XYLT1: variants seen among roughly 807,000 people sequenced by gnomAD.
The protein encoded by XYLT1 is beta-D-xylosyltransferase 1.
XYLT1 carries 36 observed loss-of-function variants against 91.3 expected under a neutral mutation model. The observed-to-expected ratio is 0.39, with a 90% confidence interval of 0.30 to 0.52. XYLT1 has a LOEUF of 0.52. Among genes scored for constraint, XYLT1 ranks in the 20% least tolerant of loss-of-function variants. The pLI, the probability that XYLT1 is intolerant of heterozygous loss-of-function variation, is 0.68. For synonymous variants in XYLT1, 588 were observed against 532.0 expected, an observed-to-expected ratio of 1.11 and a Z score of -1.45; for missense variants, 1,242 against 1,284.5, an observed-to-expected ratio of 0.97 and a Z score of 0.51.
At chr16:17,358,143 T>A (rs2035329626) in intron 1 of XYLT1, 93 bp from the exon 2 acceptor site, 2 of 1,335,314 alleles carry the variant, frequency 1.5e-6, no homozygotes, top group Non-Finnish European at 2.1e-6. Context: ...TTTTTTTTTT[T>A]TTAAGAGACA....
chr16:17,463,361 ACAACT>A (rs150574161), intron 1 of XYLT1, among the ~76,000 whole-genome samples: 5,559 of 152,300 alleles, frequency 0.037, 192 homozygotes, highest in African/African-American at 0.091. Flanking sequence ...AAGAACTCAA[ACAACT>A]CAACAGCAAA....
intron 5 of XYLT1, among the ~76,000 whole-genome samples, chr16:17,181,613 T>A (rs1365319761): frequency 6.6e-6 from 1 of 152,178 alleles, no homozygotes; most frequent in African/African-American, 2.4e-5. Flanking sequence ...CAGGTTCTCC[T>A]CTGCCCATCT....
At chr16:17,334,379 A>T (rs967592265) in intron 2 of XYLT1, among the ~76,000 whole-genome samples, 1 of 152,126 alleles carries the variant, frequency 6.6e-6, no homozygotes, top group African/African-American at 2.4e-5. Flanking sequence ...CCTTCTCTAC[A>T]GCCAGGGCCT....
At chr16:17,221,300 G>A (rs576175344) in intron 3 of XYLT1, among the ~76,000 whole-genome samples, 8 of 152,240 alleles carry the variant, frequency 5.3e-5, no homozygotes, top group African/African-American at 1.4e-4. Context: ...GAAATATATT[G>A]ACAAAAGCCA....
At chr16:17,365,080 T>G (rs1487922027) in intron 1 of XYLT1, among the ~76,000 whole-genome samples, 1 of 152,198 alleles carries the variant, frequency 6.6e-6, no homozygotes, top group Non-Finnish European at 1.5e-5. Context: ...GTGAAACTCT[T>G]AAGAGCGTTG....
intron 5 of XYLT1, among the ~76,000 whole-genome samples, chr16:17,169,673 C>T (rs1443157796): frequency 6.9e-5 from 3 of 43,260 alleles, no homozygotes; most frequent in East Asian, 1.0e-3. Flanking sequence ...GGGGGGCGGG[C>T]GGGGAGGGTG....
chr16:17,396,062 C>T (rs1025258525), intron 1 of XYLT1, among the ~76,000 whole-genome samples: 6 of 152,132 alleles, frequency 3.9e-5, no homozygotes, highest in East Asian at 3.9e-4. Flanking sequence ...AAATTCTCGA[C>T]GCATGAAAAA....
At position 17,154,568 on chromosome 16, in the gene XYLT1, G is replaced by A. The variant is rs761959563; in HGVS notation, c.1370+4261C>T. On this transcript the variant is annotated intron_variant, in intron 6 of 11. Coordinates refer to ENST00000261381, the MANE Select transcript of XYLT1 (RefSeq NM_022166.4). ...TTATTCAGGCTGAGAGTAAACATGC[G>A]GCCACCTGCTTCTGCAAGCCCTGCT... Among the ~76,000 whole-genome samples the A allele has an allele frequency of 5.9e-5, 9 of 152,220 alleles. No individual in the cohort carries two copies. In the East Asian group the frequency reaches 7.7e-4, roughly 13 times the overall value.
intron 5 of XYLT1, among the ~76,000 whole-genome samples, chr16:17,170,370 C>T (rs547899387): frequency 1.3e-5 from 2 of 152,296 alleles, no homozygotes; most frequent in South Asian, 2.1e-4. Context: ...TCTATGTTCC[C>T]CAACTGTCCA....
At chr16:17,394,042 T>C (rs1050765225) in intron 1 of XYLT1, among the ~76,000 whole-genome samples, 3 of 152,200 alleles carry the variant, frequency 2.0e-5, no homozygotes, top group Admixed American at 6.5e-5. Flanking sequence ...CCCAAAGTGC[T>C]GGCATTACAG....
chr16:17,306,796 A>C (rs545388031), intron 2 of XYLT1, among the ~76,000 whole-genome samples: 1 of 152,262 alleles, frequency 6.6e-6, no homozygotes, highest in African/African-American at 2.4e-5. Flanking sequence ...GGGAATTTTG[A>C]GTTTCCTAGT....
At chr16:17,193,684 T>G (rs2032368646) in intron 5 of XYLT1, 1 of 152,240 alleles carries the variant, frequency 6.6e-6, no homozygotes, top group African/African-American at 2.4e-5. Flanking sequence ...TTGAGAAGAC[T>G]CCTAAGTTTG....
chr16:17,391,057 C>A lies in XYLT1; in HGVS notation c.364-33007G>T, dbSNP rs1027481524. On this transcript the variant is annotated intron_variant, in intron 1 of 11. Coordinates refer to ENST00000261381, the MANE Select transcript of XYLT1 (RefSeq NM_022166.4). Reference sequence around the variant, plus strand: ...CTTCTCAAAAGAAAAAAAACAAAAACAAACAAACAAAAAACCTGAATTCTG... The same window carrying A: ...CTTCTCAAAAGAAAAAAAACAAAAAAAAACAAACAAAAAACCTGAATTCTG... Among the ~76,000 whole-genome samples the A allele has an allele frequency of 3.9e-3, 596 of 151,980 alleles. 3 individuals are homozygous for A. Among genetic ancestry groups the A allele is most frequent in the African/African-American group, 0.013 (552 of 41,422 alleles).
intron 1 of XYLT1, 68 bp downstream of exon 1, chr16:17,470,366 G>A (rs897222253): frequency 1.7e-6 from 2 of 1,207,804 alleles, no homozygotes; most frequent in Non-Finnish European, 2.1e-6. Flanking sequence ...CAAGGGCTAG[G>A]GGGGCGTGGG....
At position 17,412,136 on chromosome 16, in the gene XYLT1, T is replaced by C. The variant is rs367593856; in HGVS notation, c.364-54086A>G. Among the ~76,000 whole-genome samples, 848 of 152,196 alleles carry C rather than the reference T, an allele frequency of 5.6e-3. 5 individuals carry two copies. Among genetic ancestry groups the C allele is most frequent in the African/African-American group, 0.018 (749 of 41,528 alleles). Reference sequence around the variant, plus strand: ...GAAGGGCATGTGTAAGAAGTATACCTACAACTCCTTCTCTGAGCCCCAAAA... The same window carrying C: ...GAAGGGCATGTGTAAGAAGTATACCCACAACTCCTTCTCTGAGCCCCAAAA... On this transcript the variant is annotated intron_variant, in intron 1 of 11. Coordinates refer to ENST00000261381, the MANE Select transcript of XYLT1 (RefSeq NM_022166.4).
intron 1 of XYLT1, among the ~76,000 whole-genome samples, chr16:17,383,555 T>G (rs1202483026): frequency 6.6e-6 from 1 of 151,876 alleles, no homozygotes; most frequent in Admixed American, 6.6e-5. Flanking sequence ...AACTGTTGAC[T>G]TGCAATGGCA....
intron 3 of XYLT1, chr16:17,228,068 T>G (rs1038150576): frequency 6.6e-6 from 1 of 152,230 alleles, no homozygotes; most frequent in Non-Finnish European, 1.5e-5. Context: ...GTTGTAGGTT[T>G]GGATCAGGAA....
chr16:17,459,886 T>C lies in XYLT1; in HGVS notation c.363+10548A>G, dbSNP rs1040568371. 2.0e-5 allele frequency among the ~76,000 whole-genome samples: 3 copies of C among 152,160 alleles called. No homozygotes were observed. The South Asian group carries it at 6.2e-4, about 32-fold the overall frequency. On this transcript the variant is annotated intron_variant, in intron 1 of 11. Transcript: ENST00000261381. ...CAGTGGATTTCACTCATTCATTCTC[T>C]CCCTGTCCCCCACGGGTTACAAGAC... is the stretch of plus-strand genomic sequence containing the variant.
At chr16:17,344,956 C>T (rs766586122) in intron 2 of XYLT1, among the ~76,000 whole-genome samples, 3 of 152,176 alleles carry the variant, frequency 2.0e-5, no homozygotes, top group Non-Finnish European at 4.4e-5. Flanking sequence ...CTGCCTCAGC[C>T]TCCCAAAGTT....
Sources: allele counts gnomAD v4.1 joint callset (sites outside exome capture counted in the v4.1 genomes callset), GRCh38; gene constraint gnomAD v4.1.1; transcripts MANE v1.5; gene names NCBI Gene and HGNC (gene_info 2026-07-23, HGNC 2026-07-21).